Variants in PACRG observed in about 807,000 individuals in gnomAD.
PACRG encodes the protein parkin coregulated.
A neutral mutation model predicts 29.7 loss-of-function variants in PACRG; 29 were observed. That is an observed-to-expected ratio of 0.98 (90% CI 0.73 to 1.33). The LOEUF (loss-of-function observed/expected upper bound fraction) is 1.33. Ranked by LOEUF, PACRG falls within the 40% of genes most tolerant of loss-of-function variation. The probability of loss-of-function intolerance (pLI) is 0.00; values close to 1 mark genes in which losing one functional copy is unlikely to be tolerated. For missense variants in PACRG, 279 were observed against 316.2 expected (o/e 0.88, Z 0.89); for synonymous variants, 116 against 118.7 (o/e 0.98, Z 0.15).
At chr6:162,924,986 T>C (rs923240779) in intron 2 of PACRG, among the ~76,000 whole-genome samples, 1 of 152,022 alleles carries the variant, frequency 6.6e-6, no homozygotes, top group African/African-American at 2.4e-5. Context: ...AAAGGAGATA[T>C]CACCACTGAC....
chr6:163,265,294 G>A (rs1783488619), intron 4 of PACRG, among the ~76,000 whole-genome samples: 1 of 152,110 alleles, frequency 6.6e-6, no homozygotes, highest in East Asian at 1.9e-4. Flanking sequence ...GCCCCTTCTG[G>A]TCCGCATCCT....
intron 2 of PACRG, among the ~76,000 whole-genome samples, chr6:162,900,458 G>T (rs1262986072): frequency 6.6e-6 from 1 of 152,116 alleles, no homozygotes; most frequent in Non-Finnish European, 1.5e-5. Context: ...AGAATGTATG[G>T]GTCTATGGAT....
At chr6:163,087,053 C>G (rs924401798) in intron 3 of PACRG, among the ~76,000 whole-genome samples, 1 of 152,038 alleles carries the variant, frequency 6.6e-6, no homozygotes, top group East Asian at 2.0e-4. Context: ...GGGAGGGTAA[C>G]CCCGCGGTAC....
At chr6:163,008,477 C>T (rs1274610820) in intron 2 of PACRG, among the ~76,000 whole-genome samples, 1 of 151,820 alleles carries the variant, frequency 6.6e-6, no homozygotes, top group Non-Finnish European at 1.5e-5. Flanking sequence ...AGAGGGTCAT[C>T]TATAACAAAT....
At chr6:162,780,429 C>A (rs972406774) in intron 1 of PACRG, among the ~76,000 whole-genome samples, 1 of 151,998 alleles carries the variant, frequency 6.6e-6, no homozygotes, top group African/African-American at 2.4e-5. Flanking sequence ...ATAAATTAAC[C>A]ATGATCCAAA....
At chr6:163,012,040 C>T (rs368942242) in intron 2 of PACRG, among the ~76,000 whole-genome samples, 2 of 152,036 alleles carry the variant, frequency 1.3e-5, no homozygotes, top group East Asian at 1.9e-4. Flanking sequence ...TCCTGTCACA[C>T]GGAAGGAAAC....
At chr6:163,173,472 G>A (rs1320143455) in intron 4 of PACRG, among the ~76,000 whole-genome samples, 1 of 152,198 alleles carries the variant, frequency 6.6e-6, no homozygotes, top group Non-Finnish European at 1.5e-5. Context: ...TAAAGATACT[G>A]CAACCCATTT....
chr6:163,165,700 C>A lies in PACRG; in HGVS notation c.613+76292C>A, dbSNP rs1376982929. ...AGCAAGGAGGGGGCTCAAATTCAAG[C>A]CTTCAAGTCGGTTCACCCTGTCCAG... On this transcript the variant is annotated intron_variant, in intron 4 of 4. Coordinates refer to ENST00000366888, the MANE Select transcript of PACRG (RefSeq NM_001080379.2). The A allele has an allele frequency of 1.5e-5, 3 of 202,036 alleles. No homozygotes were observed. The South Asian group carries it at 2.5e-4, about 17-fold the overall frequency. 12.5% of individuals were successfully genotyped at this position (202,036 alleles called of 1,614,324 possible).
At chr6:163,033,366 A>G (rs1314827891) in intron 2 of PACRG, among the ~76,000 whole-genome samples, 7 of 152,236 alleles carry the variant, frequency 4.6e-5, no homozygotes, top group Admixed American at 3.9e-4. Flanking sequence ...AATGCTCCAA[A>G]ATAAATGGAA....
chr6:163,224,409 T>G, intron 4 of PACRG, among the ~76,000 whole-genome samples: 1 of 110,532 alleles, frequency 9.0e-6, no homozygotes, highest in African/African-American at 3.1e-5. Context: ...AAAGCTGGAG[T>G]CACCACACTG....
intron 4 of PACRG, among the ~76,000 whole-genome samples, chr6:163,288,972 G>A (rs942267782): frequency 1.3e-5 from 2 of 152,132 alleles, no homozygotes; most frequent in African/African-American, 4.8e-5. Context: ...TCAGAAGGTC[G>A]TGCCCAGCAA....
chr6:163,052,560 G>A (rs1320635832), intron 2 of PACRG, among the ~76,000 whole-genome samples: 3 of 152,128 alleles, frequency 2.0e-5, no homozygotes, highest in Admixed American at 6.5e-5. Context: ...GATCATGGGG[G>A]TGGTTTTCCC....
chr6:162,774,252 A>G lies in PACRG; in HGVS notation c.157-39895A>G, dbSNP rs374603964. On this transcript the variant is annotated intron_variant, in intron 1 of 4. Coordinates refer to ENST00000366888, the MANE Select transcript of PACRG (RefSeq NM_001080379.2). ...AAATGCTGTATGCAGGAAGCTGTAC[A>G]GCTTTGCCAATTAATAGCTGCAGAC... Among the ~76,000 whole-genome samples the G allele has an allele frequency of 6.8e-4, 103 of 152,336 alleles. No homozygotes were observed. The East Asian group carries it at 0.01, about 15-fold the overall frequency.
rs1006860951 is a variant in PACRG, at chr6:162,777,839, A to G, written c.157-36308A>G. Among the ~76,000 whole-genome samples the G allele has an allele frequency of 2.0e-5, 3 of 152,116 alleles. No homozygotes were observed. Among genetic ancestry groups the G allele is most frequent in the Non-Finnish European group, 2.9e-5 (2 of 68,010 alleles). ...CACTTGCTTTGAACTAATAAAAGAAAAAACCTCCCTACCTTCTTTCTTTCC... is the reference window on the plus strand; with the variant it reads ...CACTTGCTTTGAACTAATAAAAGAAGAAACCTCCCTACCTTCTTTCTTTCC... On this transcript the variant is annotated intron_variant, in intron 1 of 4. Transcript: ENST00000366888. The surrounding 1 kb of genome is among the most constrained non-coding windows in gnomAD (Gnocchi z 4.0).
chr6:162,928,675 T>C (rs1584779620), intron 2 of PACRG, among the ~76,000 whole-genome samples: 1 of 152,110 alleles, frequency 6.6e-6, no homozygotes, highest in Non-Finnish European at 1.5e-5. Context: ...TTGTATGCTA[T>C]AGTCACCCTA....
intron 1 of PACRG, among the ~76,000 whole-genome samples, chr6:162,735,812 C>A (rs1780123528): frequency 6.6e-6 from 1 of 152,132 alleles, no homozygotes; most frequent in South Asian, 2.1e-4. Flanking sequence ...TTTCCTCAAC[C>A]AGTTTCAACT....
At chr6:163,250,373 T>A (rs1782854956) in intron 4 of PACRG, among the ~76,000 whole-genome samples, 1 of 152,266 alleles carries the variant, frequency 6.6e-6, no homozygotes, top group South Asian at 2.1e-4. Context: ...GCAGCTGAAA[T>A]GCTCGGGGGC....
chr6:162,767,098 A>G (rs1039459426), intron 1 of PACRG, among the ~76,000 whole-genome samples: 2 of 152,102 alleles, frequency 1.3e-5, no homozygotes, highest in African/African-American at 4.8e-5. Context: ...GGTGTAATAC[A>G]TGATACAGTT....
intron 1 of PACRG, among the ~76,000 whole-genome samples, chr6:162,784,561 A>G (rs976284666): frequency 2.0e-5 from 3 of 152,174 alleles, no homozygotes; most frequent in Non-Finnish European, 2.9e-5. Context: ...GTTGTTTGTC[A>G]TAGCAAATTC....
Sources: allele counts gnomAD v4.1 joint callset (sites outside exome capture counted in the v4.1 genomes callset), GRCh38; gene constraint gnomAD v4.1.1; non-coding constraint Gnocchi (gnomAD v3.1); transcripts MANE v1.5; gene names NCBI Gene and HGNC (gene_info 2026-07-23, HGNC 2026-07-21).